The following CEP83 variants were observed in gnomAD, a reference collection of about 807,000 sequenced individuals.
The protein encoded by CEP83 is centrosomal protein 83, also known as centrosomal protein of 83 kDa.
Under a neutral mutation model 101.9 loss-of-function variants are expected in CEP83, and 70 were observed. The ratio of observed to expected loss-of-function variants is 0.69; its 90% CI spans 0.57 to 0.84. The LOEUF (loss-of-function observed/expected upper bound fraction) is 0.84. CEP83 is among the 40% of genes least tolerant of loss of function. The probability of loss-of-function intolerance (pLI) is 0.00; values close to 1 mark genes in which losing one functional copy is unlikely to be tolerated. For synonymous variants in CEP83, 264 were observed against 267.9 expected, an observed-to-expected ratio of 0.99 and a Z score of 0.14; for missense variants, 715 against 787.2, an observed-to-expected ratio of 0.91 and a Z score of 1.10.
chr12:94,304,134 C>A, downstream of CEP83: 1 of 878,572 alleles, frequency 1.1e-6, no homozygotes, highest in South Asian at 1.7e-5. Context: ...TTCAGAACAG[C>A]TCTGGCATCC....
chr12:94,420,597 T>A (rs553615861), intron 2 of CEP83, among the ~76,000 whole-genome samples: 1 of 152,172 alleles, frequency 6.6e-6, no homozygotes, highest in African/African-American at 2.4e-5. Flanking sequence ...TTTGTTTTGT[T>A]TTTTAGTTCA....
the CEP83 span, chr12:94,282,301 T>C: frequency 6.2e-7 from 1 of 1,611,402 alleles, no homozygotes; most frequent in Non-Finnish European, 8.5e-7. Context: ...TTTTCAGAGC[T>C]TCAAATGGGC....
chr12:94,362,577 C>T (rs1289600016), intron 11 of CEP83, among the ~76,000 whole-genome samples: 1 of 152,046 alleles, frequency 6.6e-6, no homozygotes, highest in African/African-American at 2.4e-5. Flanking sequence ...GCAGAGGTTA[C>T]AGTGAGCCGA....
chr12:94,302,590 A>C (rs1968571766), downstream of CEP83, among the ~76,000 whole-genome samples: 1 of 152,202 alleles, frequency 6.6e-6, no homozygotes, highest in South Asian at 2.1e-4. Context: ...TATGTTCTTG[A>C]CACACTTCAC....
At chr12:94,286,376 A>T in the CEP83 span, among the ~76,000 whole-genome samples, 1 of 152,122 alleles carries the variant, frequency 6.6e-6, no homozygotes, top group African/African-American at 2.4e-5. Context: ...CTGCTTGGAG[A>T]AAATCATCCC....
intron 1 of CEP83, among the ~76,000 whole-genome samples, chr12:94,440,512 T>C (rs2066320827): frequency 6.9e-6 from 1 of 145,522 alleles, no homozygotes; most frequent in Non-Finnish European, 1.5e-5. Context: ...CAAGGAAAAC[T>C]ACAAAAAAAA....
At chr12:94,368,466 C>T in intron 9 of CEP83, 1 of 299,796 alleles carries the variant, frequency 3.3e-6, no homozygotes, top group Non-Finnish European at 6.1e-6. Flanking sequence ...TACATTTACT[C>T]ATTCGAACAT....
At chr12:94,431,695 A>C (rs1360249521) in intron 2 of CEP83, among the ~76,000 whole-genome samples, 2 of 152,290 alleles carry the variant, frequency 1.3e-5, no homozygotes, top group East Asian at 3.9e-4. Flanking sequence ...AATTCTCAAC[A>C]TCATTAATTA....
chr12:94,401,049 A>G (rs2063224027), intron 5 of CEP83, 68 bp from the exon 6 acceptor site: 1 of 846,360 alleles, frequency 1.2e-6, no homozygotes, highest in East Asian at 3.1e-5. Flanking sequence ...AGTCACTTTT[A>G]CAAATATAAT....
At chr12:94,273,172 A>G in the CEP83 span, among the ~76,000 whole-genome samples, 2 of 152,228 alleles carry the variant, frequency 1.3e-5, no homozygotes, top group African/African-American at 4.8e-5. Context: ...AGTACGTGAT[A>G]AGCACTCAAT....
chr12:94,411,086 G>A (rs931649466), intron 4 of CEP83, among the ~76,000 whole-genome samples: 4 of 152,084 alleles, frequency 2.6e-5, no homozygotes, highest in South Asian at 2.1e-4. Flanking sequence ...AATATTATTC[G>A]TGAGAACCTA....
chr12:94,423,719 AAAG>A lies in CEP83; in HGVS notation c.-101-11131_-101-11129del. 4 of 1,609,982 alleles carry A rather than the reference AAAG, an allele frequency of 2.5e-6. No homozygotes were observed. The East Asian group carries it at 8.9e-5, about 36-fold the overall frequency. On this transcript the variant is annotated intron_variant, in intron 2 of 16. Transcript: ENST00000397809. ...CTCCAAGAATTCATTTCTACTCAGT[AAAG>A]ATGGGGAGGGGAATCCCACTGTTAC...
At chr12:94,443,164 C>T (rs1048035878) in intron 1 of CEP83, among the ~76,000 whole-genome samples, 4 of 152,148 alleles carry the variant, frequency 2.6e-5, no homozygotes, top group Non-Finnish European at 5.9e-5. Flanking sequence ...ATTTTGCTGC[C>T]CCACAGGACC....
At chr12:94,340,222 C>T (rs1015717103) in intron 11 of CEP83, among the ~76,000 whole-genome samples, 1 of 152,206 alleles carries the variant, frequency 6.6e-6, no homozygotes, top group Non-Finnish European at 1.5e-5. Flanking sequence ...TACAGGATAT[C>T]ATAAATGTTC....
At chr12:94,348,976 C>G (rs1472745504) in intron 11 of CEP83, among the ~76,000 whole-genome samples, 1 of 98,284 alleles carries the variant, frequency 1.0e-5, no homozygotes, top group Non-Finnish European at 2.2e-5. Context: ...GAGCAGGATG[C>G]AGAAAATGCT....
At chr12:94,274,912 C>A in the CEP83 span, among the ~76,000 whole-genome samples, 1 of 152,210 alleles carries the variant, frequency 6.6e-6, no homozygotes, top group African/African-American at 2.4e-5. Flanking sequence ...AATACACACA[C>A]GTCATTTAAA....
At chr12:94,270,692 C>T in the CEP83 span, among the ~76,000 whole-genome samples, 3 of 150,118 alleles carry the variant, frequency 2.0e-5, no homozygotes, top group South Asian at 4.2e-4. Flanking sequence ...ATGGACAAAA[C>T]GTTAGCAAAT....
rs570483875 is a variant in CEP83, at chr12:94,371,201, T to A, written c.934-1165A>T. Among the ~76,000 whole-genome samples, 8 of 152,252 alleles carry A rather than the reference T, an allele frequency of 5.3e-5. 1 individual carries two copies. The highest frequency in any genetic ancestry group is 3.3e-4 in the Admixed American group (5 of 15,288). On this transcript the variant is annotated intron_variant, in intron 8 of 16. Coordinates refer to ENST00000397809, the MANE Select transcript of CEP83 (RefSeq NM_016122.3). ...CTTTATATACCATACAAAAGGGTTGTTTTTCAGGTTAGCTGTTGAAGGTGG... is the reference window on the plus strand; with the variant it reads ...CTTTATATACCATACAAAAGGGTTGATTTTCAGGTTAGCTGTTGAAGGTGG...
chr12:94,343,470 C>CATTTTTTTTTTTTTT (rs2059784949), intron 11 of CEP83, among the ~76,000 whole-genome samples: 1 of 84,168 alleles, frequency 1.2e-5, no homozygotes, highest in Non-Finnish European at 2.2e-5. Context: ...TAGAAATTAA[C>CATTTTTTTTTTTTTT]TTTTTTTTTT....
Sources: allele counts gnomAD v4.1 joint callset (sites outside exome capture counted in the v4.1 genomes callset), GRCh38; gene constraint gnomAD v4.1.1; transcripts MANE v1.5; gene names NCBI Gene and HGNC (gene_info 2026-07-23, HGNC 2026-07-21).